BCAS3: variants seen among roughly 807,000 people sequenced by gnomAD.
BCAS3 encodes BCAS4/BCAS3 fusion.
In BCAS3, 53 loss-of-function variants were observed where a neutral mutation model predicts 116.1. That is an observed-to-expected ratio of 0.46 (90% confidence interval 0.37 to 0.57). The LOEUF (loss-of-function observed/expected upper bound fraction) is 0.57, where lower values mean the gene tolerates loss of function less well. BCAS3 is among the 20% of genes least tolerant of loss of function. BCAS3 has a pLI of 0.00. For missense variants in BCAS3, 917 were observed against 1,165.4 expected (o/e 0.79, Z 3.10); for synonymous variants, 391 against 408.2 (o/e 0.96, Z 0.51).
At chr17:60,936,403 T>C (rs1394858548) in intron 13 of BCAS3, among the ~76,000 whole-genome samples, 2 of 152,122 alleles carry the variant, frequency 1.3e-5, no homozygotes, top group Admixed American at 6.5e-5. Flanking sequence ...CAAATGGTAT[T>C]TCTAGTTCTA....
chr17:60,685,510 A>C (rs551203995), intron 3 of BCAS3, among the ~76,000 whole-genome samples: 1 of 151,886 alleles, frequency 6.6e-6, no homozygotes, highest in Non-Finnish European at 1.5e-5. Context: ...TTTATATTTC[A>C]GCTCTGCATC....
intron 15 of BCAS3, among the ~76,000 whole-genome samples, chr17:60,991,424 A>C (rs369895383): frequency 3.9e-5 from 6 of 152,196 alleles, no homozygotes; most frequent in African/African-American, 1.4e-4. Flanking sequence ...CTTGATCATA[A>C]CGTAGTTGAA....
chr17:61,070,393 A>ATATATATATATG (rs1223919522), intron 19 of BCAS3: 5 of 162,524 alleles, frequency 3.1e-5, no homozygotes, highest in Non-Finnish European at 5.8e-5. Context: ...ATATATATAT[A>ATATATATATATG]TATATATCTT....
intron 15 of BCAS3, among the ~76,000 whole-genome samples, chr17:60,992,333 A>G (rs1009795333): frequency 4.6e-5 from 7 of 152,152 alleles, no homozygotes; most frequent in African/African-American, 1.7e-4. Context: ...TCCTGAGATC[A>G]TACTTTATGC....
chr17:60,801,784 G>T (rs972936170), intron 6 of BCAS3, among the ~76,000 whole-genome samples: 1 of 152,154 alleles, frequency 6.6e-6, no homozygotes, highest in African/African-American at 2.4e-5. Flanking sequence ...AGAACCTGAA[G>T]AAGCTGATAA....
intron 6 of BCAS3, among the ~76,000 whole-genome samples, chr17:60,803,486 A>G (rs975043243): frequency 1.3e-5 from 2 of 152,180 alleles, no homozygotes; most frequent in Admixed American, 1.3e-4. Context: ...GTCATCAGTC[A>G]TCTATTTCCA....
intron 13 of BCAS3, among the ~76,000 whole-genome samples, chr17:60,933,767 T>A (rs1026033610): frequency 6.6e-6 from 1 of 152,230 alleles, no homozygotes; most frequent in African/African-American, 2.4e-5. Context: ...AGATTTTTAA[T>A]CTGACAGCTT....
At chr17:60,692,162 AT>A (rs2034917065) in intron 4 of BCAS3, among the ~76,000 whole-genome samples, 4 of 152,144 alleles carry the variant, frequency 2.6e-5, no homozygotes, top group Admixed American at 2.6e-4. Context: ...GAAATAACTG[AT>A]TGGTTAACAT....
chr17:61,245,324 C>T (rs1322484616), intron 22 of BCAS3: 1 of 152,040 alleles, frequency 6.6e-6, no homozygotes, highest in African/African-American at 2.4e-5. Flanking sequence ...ATTATGGGAA[C>T]TACAAGTCAA....
At chr17:61,288,804 T>G (rs1232753605) in intron 22 of BCAS3, among the ~76,000 whole-genome samples, 1 of 152,204 alleles carries the variant, frequency 6.6e-6, no homozygotes, top group Non-Finnish European at 1.5e-5. Context: ...GAAAGGGCTG[T>G]ACTGAGAACC....
intron 22 of BCAS3, among the ~76,000 whole-genome samples, chr17:61,184,606 G>A (rs1264371229): frequency 6.6e-6 from 1 of 151,998 alleles, no homozygotes; most frequent in African/African-American, 2.4e-5. Flanking sequence ...CTATTAATAG[G>A]AATTTACTCA....
intron 22 of BCAS3, among the ~76,000 whole-genome samples, chr17:61,260,923 G>C (rs1197301721): frequency 6.6e-6 from 1 of 152,124 alleles, no homozygotes; most frequent in Admixed American, 6.6e-5. Flanking sequence ...TACTGTTACA[G>C]TTGAAAAGCA....
At chr17:60,783,740 C>T (rs1374049622) in intron 6 of BCAS3, among the ~76,000 whole-genome samples, 2 of 152,120 alleles carry the variant, frequency 1.3e-5, no homozygotes, top group Non-Finnish European at 2.9e-5. Context: ...TCTTATTTGC[C>T]TTTTTTTCCT....
chr17:60,723,825 T>C (rs2039518459), intron 5 of BCAS3, among the ~76,000 whole-genome samples: 1 of 150,780 alleles, frequency 6.6e-6, no homozygotes, highest in Non-Finnish European at 1.5e-5. Context: ...TTCAAGTGAT[T>C]CTCCTGCCTC....
In BCAS3 at chr17:61,056,975, T is replaced by A. The variant is rs539152179; in HGVS notation, c.2029+16083T>A. ...TCAAAATTGATTGGACCTTCTTTAT[T>A]TGAATTGACAAATGGCTGCATTAGG... On this transcript the variant is annotated intron_variant, in intron 19 of 23. Coordinates refer to ENST00000407086, the MANE Select transcript of BCAS3 (RefSeq NM_017679.5). This position sits in a 1 kb window ranked among gnomAD's most constrained non-coding sequence, Gnocchi z 4.9. 3.9e-5 allele frequency among the ~76,000 whole-genome samples: 6 copies of A among 152,334 alleles called. No individual in the cohort carries two copies. The highest frequency in any genetic ancestry group is 1.3e-4 in the Admixed American group (2 of 15,296).
chr17:61,069,977 A>G, intron 19 of BCAS3: 1 of 1,587,456 alleles, frequency 6.3e-7, no homozygotes. Flanking sequence ...CACAGCCACA[A>G]AAAGAAGAAG....
chr17:61,232,200 G>GAAAAAAAAAAAAAA (rs71148394), intron 22 of BCAS3, among the ~76,000 whole-genome samples: 1 of 72,476 alleles, frequency 1.4e-5, no homozygotes, highest in Admixed American at 1.9e-4. Flanking sequence ...GAAAGACTCC[G>GAAAAAAAAAAAAAA]AAAAAAAAAA....
rs573189247 is a variant in BCAS3 at position 61,014,788 on chromosome 17, T to A, written c.1487-963T>A. Reference sequence around the variant, plus strand: ...AACTAAGAAAGGAGCTCAGCAAAGTTGTAGGATACAAGATCAATGTACAAA... The same window carrying A: ...AACTAAGAAAGGAGCTCAGCAAAGTAGTAGGATACAAGATCAATGTACAAA... On this transcript the variant is annotated intron_variant, in intron 15 of 23. Coordinates refer to ENST00000407086, the MANE Select transcript of BCAS3 (RefSeq NM_017679.5). Among the ~76,000 whole-genome samples, 6 of 152,254 alleles carry A rather than the reference T, an allele frequency of 3.9e-5. No homozygotes were observed. The East Asian group carries it at 5.8e-4, about 15-fold the overall frequency.
chr17:61,250,169 T>G (rs1804583600), intron 22 of BCAS3, among the ~76,000 whole-genome samples: 1 of 152,148 alleles, frequency 6.6e-6, no homozygotes, highest in South Asian at 2.1e-4. Context: ...CTGCATATGA[T>G]TTGACAAACA....
Sources: gnomAD v4.1 joint callset for allele counts (sites outside exome capture counted in the v4.1 genomes callset) on GRCh38, gnomAD v4.1.1 for gene constraint, Gnocchi (gnomAD v3.1) non-coding constraint, MANE v1.5 for transcripts, NCBI Gene and HGNC (gene_info 2026-07-23, HGNC 2026-07-21) for gene names.